The following NT5DC2 variants were observed in gnomAD, a reference collection of about 807,000 sequenced individuals.
NT5DC2 encodes the protein 5'-nucleotidase domain-containing protein 2.
In NT5DC2, 41 loss-of-function variants were observed where a neutral mutation model predicts 70.0. The observed-to-expected ratio is 0.59, with a 90% CI of 0.46 to 0.76. The LOEUF is 0.76. Among genes scored for constraint, NT5DC2 ranks in the 30% least tolerant of loss-of-function variants. The pLI is 0.00. For synonymous variants in NT5DC2, 299 were observed against 310.4 expected (o/e 0.96, Z 0.39); for missense variants, 705 against 783.2 (o/e 0.90, Z 1.19).
intron 10 of NT5DC2, chr3:52,525,757 A>G (rs748896364): frequency 6.9e-5 from 12 of 174,652 alleles, no homozygotes; most frequent in Non-Finnish European, 1.3e-4. Context: ...TAACTGGGGA[A>G]GCTCACAGGG....
In NT5DC2 at chr3:52,529,025, G is replaced by T; in HGVS notation, c.418-90C>A. The T allele has an allele frequency of 6.3e-7, 1 of 1,584,046 alleles. No individual in the cohort carries two copies. The highest frequency in any genetic ancestry group is 8.7e-7 in the Non-Finnish European group (1 of 1,154,294). ...CCCCAGGGGGTCAATCCAGCCACCT[G>T]CCCAGGGCAGCTGCCAGGCAAGAGG... On this transcript the variant is annotated intron_variant, in intron 2 of 13. Coordinates refer to ENST00000422318, the MANE Select transcript of NT5DC2 (RefSeq NM_001134231.2). The surrounding 1 kb of genome is among the most constrained non-coding windows in gnomAD (Gnocchi z 4.1).
In NT5DC2 at chr3:52,529,712, C is replaced by G. The variant is rs916698538; in HGVS notation, c.233-378G>C. Among the ~76,000 whole-genome samples the G allele has an allele frequency of 5.3e-5, 8 of 152,178 alleles. No individual in the cohort carries two copies. The highest frequency in any genetic ancestry group is 1.9e-4 in the African/African-American group (8 of 41,434). ...CACTCAACTCCTCACCGCCTAGCCC[C>G]AGAACAGCTGCTTTTGGGATGCTCT... On this transcript the variant is annotated intron_variant, in intron 1 of 13. Transcript: ENST00000422318. This position sits in a 1 kb window ranked among gnomAD's most constrained non-coding sequence, Gnocchi z 4.1.
chr3:52,524,757 A>G, intron 13 of NT5DC2, 26 bp from the exon 14 acceptor site: 3 of 1,612,692 alleles, frequency 1.9e-6, no homozygotes, highest in Non-Finnish European at 1.7e-6. Flanking sequence ...CGATGCGCTC[A>G]AGGGGTGGGC....
chr3:52,525,238 A>C lies in NT5DC2; in HGVS notation c.1177T>G (p.Phe393Val), dbSNP rs769547941. Residue 393 changes from phenylalanine to valine, a missense_variant, in exon 11 of 14, where the codon TTC (phenylalanine) becomes GTC (valine). Coordinates refer to ENST00000422318, the MANE Select transcript of NT5DC2 (RefSeq NM_001134231.2). ...TEWRGPRVLY[F>V]GDHLYSDLAD... ...AGATCACTATAGAGGTGGTCCCCGA[A>C]GTAGAGCACGCGGGGGCCACGCCAT... 6.2e-7 allele frequency: 1 copy of C among 1,612,738 alleles called. No homozygotes were observed. The highest frequency in any genetic ancestry group is 1.7e-5 in the Admixed American group (1 of 59,996).
chr3:52,533,426 G>C (rs990621307), intron 1 of NT5DC2, 80 bp downstream of exon 1: 17 of 1,389,946 alleles, frequency 1.2e-5, no homozygotes, highest in Non-Finnish European at 1.4e-5. Context: ...TTCCCCGGAG[G>C]AGCGGCACCC....
rs140302727 is a variant in NT5DC2, at chr3:52,526,941, G to C, written c.1119+353C>G. 1.9e-3 allele frequency among the ~76,000 whole-genome samples: 297 copies of C among 152,338 alleles called. 1 individual carries two copies. The highest frequency in any genetic ancestry group is 6.5e-3 in the African/African-American group (271 of 41,570). ...AGCCTCCCAAACTGCTGGGATTATA[G>C]GCATGAGCCACGGTGCCTGGCGCAC... is the stretch of plus-strand genomic sequence containing the variant. On this transcript the variant is annotated intron_variant, in intron 10 of 13. Transcript: ENST00000422318.
chr3:52,528,932 G>T lies in NT5DC2; in HGVS notation c.421C>A (p.Pro141Thr). 6.2e-7 allele frequency: 1 copy of T among 1,614,004 alleles called. No individual in the cohort carries two copies. Among genetic ancestry groups the T allele is most frequent in the Non-Finnish European group, 8.5e-7 (1 of 1,180,018 alleles). ...RDILIEHYKYPEGIRKYDYNP... is the reference protein window; with the variant it reads ...RDILIEHYKYTEGIRKYDYNP... Reference sequence around the variant, plus strand: ...TAGTCATACTTCCGAATCCCTTCTGGGTACTGCCGGGGGAAAGGGGCCAGG... The same window carrying T: ...TAGTCATACTTCCGAATCCCTTCTGTGTACTGCCGGGGGAAAGGGGCCAGG... The change falls in exon 3 of 14, where the codon CCA becomes ACA. Residue 141 changes from proline (P) to threonine (T), a missense_variant. Coordinates refer to ENST00000422318, the MANE Select transcript of NT5DC2 (RefSeq NM_001134231.2).
Position 52,529,095 on chromosome 3 carries a change from G to A in NT5DC2, c.417+55C>T. On this transcript the variant is annotated intron_variant, in intron 2 of 13. Coordinates refer to ENST00000422318, the MANE Select transcript of NT5DC2 (RefSeq NM_001134231.2). The surrounding 1 kb of genome is among the most constrained non-coding windows in gnomAD (Gnocchi z 4.1). ...TCAGCCCTGAGCTTAGGCCAAGGTGGGTCTGGCCAGCCTCCAAGCCCTGGG... is the reference window on the plus strand; with the variant it reads ...TCAGCCCTGAGCTTAGGCCAAGGTGAGTCTGGCCAGCCTCCAAGCCCTGGG... 6.2e-7 allele frequency: 1 copy of A among 1,607,862 alleles called. No homozygotes were observed. The highest frequency in any genetic ancestry group is 1.1e-5 in the South Asian group (1 of 90,836).
At chr3:52,532,809 A>G (rs1314422191) in intron 1 of NT5DC2, among the ~76,000 whole-genome samples, 1 of 152,136 alleles carries the variant, frequency 6.6e-6, no homozygotes, top group African/African-American at 2.4e-5. Context: ...ACAAGCAGGC[A>G]GATGTCCAGC....
Position 52,529,217 on chromosome 3 carries a change from T to C in NT5DC2, c.350A>G (p.Gln117Arg). ...YGFDYDYTLA[Q>R]YADALHPEIF... ...CTCGGGGTGCAGTGCGTCTGCATAC[T>C]GGGCCAGGGTGTAGTCGTAGTCAAA... Residue 117 changes from glutamine (Q) to arginine (R), a missense_variant, in exon 2 of 14, where the codon CAG becomes CGG. By Grantham distance (43) the Gln-to-Arg change is conservative. Coordinates refer to ENST00000422318, the MANE Select transcript of NT5DC2 (RefSeq NM_001134231.2). This position sits in a 1 kb window ranked among gnomAD's most constrained non-coding sequence, Gnocchi z 4.1. 1.2e-6 allele frequency: 2 copies of C among 1,613,898 alleles called. No homozygotes were observed. The highest frequency in any genetic ancestry group is 1.3e-5 in the African/African-American group (1 of 74,942).
Position 52,525,027 on chromosome 3 carries a change from G to C in NT5DC2, c.1283C>G (p.Thr428Arg). The C allele has an allele frequency of 3.7e-6, 6 of 1,608,558 alleles. No homozygotes were observed. Among genetic ancestry groups the C allele is most frequent in the Non-Finnish European group, 5.1e-6 (6 of 1,178,228 alleles). Residue 428 changes from threonine (T) to arginine (R), a missense_variant, in exon 12 of 14, where the codon ACG (threonine) becomes AGG (arginine). By Grantham distance (71) the Thr-to-Arg change is moderately conservative (BLOSUM62 -1). Coordinates refer to ENST00000422318, the MANE Select transcript of NT5DC2 (RefSeq NM_001134231.2). ...CGTCAGCGAGTGCATGTACTGCTCC[G>C]TGTTGATGATGCGGATCTCACGCTC... is the stretch of plus-strand genomic sequence containing the variant. ...ELEREIRIIN[T>R]EQYMHSLTWQ...
chr3:52,527,971 C>T (rs981996462), intron 7 of NT5DC2, 40 bp from the exon 8 acceptor site: 7 of 1,613,272 alleles, frequency 4.3e-6, no homozygotes, highest in Middle Eastern at 3.3e-4. Flanking sequence ...AGTCCTGCCA[C>T]CTGCTCAGGC....
In NT5DC2 at chr3:52,533,566, C is replaced by T; in HGVS notation, c.172G>A (p.Gly58Ser). ...CATAGGTGCGCGCTGAGGTCGGCGCCGCTGGTGGGTGCCTGGGCGGGCGCG... is the reference window on the plus strand; with the variant it reads ...CATAGGTGCGCGCTGAGGTCGGCGCTGCTGGTGGGTGCCTGGGCGGGCGCG... ...RSAPAQAPTS[G>S]ADLSAHLWAR... The change falls in exon 1 of 14, where the codon GGC becomes AGC. Residue 58 changes from glycine to serine, a missense_variant. Gly to Ser is a moderately conservative substitution (Grantham distance 56). Coordinates refer to ENST00000422318, the MANE Select transcript of NT5DC2 (RefSeq NM_001134231.2). The T allele has an allele frequency of 7.5e-7, 1 of 1,341,628 alleles. No homozygotes were observed. Among genetic ancestry groups the T allele is most frequent in the East Asian group, 3.1e-5 (1 of 32,042 alleles). 83.1% of individuals were successfully genotyped at this position (1,341,628 alleles called of 1,614,324 possible).
At chr3:52,533,393 C>T in intron 1 of NT5DC2, 113 bp downstream of exon 1, 1 of 1,164,558 alleles carries the variant, frequency 8.6e-7, no homozygotes. Context: ...CGCTCCGGGG[C>T]CCTGGCGAGC....
chr3:52,532,379 A>G, intron 1 of NT5DC2: 1 of 985,408 alleles, frequency 1.0e-6, no homozygotes, highest in African/African-American at 1.7e-5. Flanking sequence ...CCGCCCCTCC[A>G]CAGACACAAA....
In NT5DC2 at chr3:52,531,290, G is replaced by A. The variant is rs555579635; in HGVS notation, c.233-1956C>T. ...TCTTCACTTGGATGCAAGTGAGACA[G>A]TTGACTGCAACGCTCTAGGGAGCTG... On this transcript the variant is annotated intron_variant, in intron 1 of 13. Transcript: ENST00000422318. This position sits in a 1 kb window ranked among gnomAD's most constrained non-coding sequence, Gnocchi z 4.1. Among the ~76,000 whole-genome samples the A allele has an allele frequency of 3.4e-4, 52 of 152,324 alleles. No homozygotes were observed. Among genetic ancestry groups the A allele is most frequent in the African/African-American group, 1.2e-3 (49 of 41,580 alleles).
chr3:52,528,083 G>A lies in NT5DC2; in HGVS notation c.772-10C>T. ...CGTCTCGGATGGCGTCCTGGGGGCA[G>A]TGGAGGACAATGAGGGTACAGCAGG... On this transcript the variant is annotated splice_polypyrimidine_tract_variant and intron_variant, in intron 6 of 13. Coordinates refer to ENST00000422318, the MANE Select transcript of NT5DC2 (RefSeq NM_001134231.2). 1 of 1,612,834 alleles carries A rather than the reference G, an allele frequency of 6.2e-7. No homozygotes were observed. The highest frequency in any genetic ancestry group is 1.1e-5 in the South Asian group (1 of 91,036).
upstream of NT5DC2, chr3:52,534,569 G>C: frequency 6.2e-7 from 1 of 1,613,760 alleles, no homozygotes; most frequent in Non-Finnish European, 8.5e-7. Flanking sequence ...CGCCCCTCGT[G>C]AGATGCTGTG....
Position 52,524,875 on chromosome 3 carries a change from G to C in NT5DC2, c.1354C>G (p.Gln452Glu). Residue 452 changes from glutamine (Q) to glutamate (E), a missense_variant, in exon 13 of 14, where the codon CAG becomes GAG. Coordinates refer to ENST00000422318, the MANE Select transcript of NT5DC2 (RefSeq NM_001134231.2). ...TGLLERMQTY[Q>E]DAESRQVLAA... ...AGCACCTGCCTCGACTCCGCGTCCT[G>C]ATAGGTCTGGGGACACAAAGTGTGC... 6.2e-7 allele frequency: 1 copy of C among 1,612,324 alleles called. No individual in the cohort carries two copies. Among genetic ancestry groups the C allele is most frequent in the Middle Eastern group, 1.7e-4 (1 of 6,058 alleles).
Sources: gnomAD v4.1 joint callset for allele counts (sites outside exome capture counted in the v4.1 genomes callset) on GRCh38, gnomAD v4.1.1 for gene constraint, Gnocchi (gnomAD v3.1) non-coding constraint, MANE v1.5 for transcripts, NCBI Gene and HGNC (gene_info 2026-07-23, HGNC 2026-07-21) for gene names.